PCDHA1: variants seen among roughly 807,000 people sequenced by gnomAD.
The protein encoded by PCDHA1 is protocadherin alpha 1.
A neutral mutation model predicts 61.3 loss-of-function variants in PCDHA1; 42 were observed. The observed-to-expected ratio is 0.69, with a 90% CI of 0.54 to 0.89. PCDHA1 has a LOEUF of 0.89. PCDHA1 is among the 40% of genes least tolerant of loss of function. The pLI, the probability that PCDHA1 is intolerant of heterozygous loss-of-function variation, is 0.00. For missense variants in PCDHA1, 1,256 were observed against 1,235.3 expected (o/e 1.02, Z -0.25); for synonymous variants, 610 against 553.8 (o/e 1.10, Z -1.43).
In PCDHA1 at chr5:141,002,285, A is replaced by C. The variant is rs2098070605; in HGVS notation, c.2543-7342A>C. On this transcript the variant is annotated intron_variant, in intron 3 of 3. Coordinates refer to ENST00000504120, the MANE Select transcript of PCDHA1 (RefSeq NM_018900.4). ...CCCAGAGCTGGTAACAAAGGGATGA[A>C]TGGGGAGCAAAGGGGCGGGGCCGAA... 4.6e-5 allele frequency among the ~76,000 whole-genome samples: 7 copies of C among 152,158 alleles called. No individual in the cohort carries two copies. In the South Asian group the frequency reaches 1.4e-3, roughly 31 times the overall value.
chr5:140,796,973 T>A, intron 1 of PCDHA1: 3 of 1,613,656 alleles, frequency 1.9e-6, no homozygotes, highest in Non-Finnish European at 1.7e-6. Flanking sequence ...GTGTCGTTGG[T>A]GGAAAGTGGC....
chr5:140,948,722 A>G (rs2094296449), intron 1 of PCDHA1, among the ~76,000 whole-genome samples: 1 of 151,574 alleles, frequency 6.6e-6, no homozygotes, highest in Admixed American at 6.6e-5. Context: ...TTTTTTATCA[A>G]TAAGTCTAGC....
At chr5:140,844,393 C>A (rs1368832554) in intron 1 of PCDHA1, among the ~76,000 whole-genome samples, 1 of 149,238 alleles carries the variant, frequency 6.7e-6, no homozygotes. Context: ...ATTATTTAGA[C>A]CATTTTACCA....
At chr5:140,982,364 T>A in intron 2 of PCDHA1, 111 bp from the exon 3 acceptor site, 1 of 1,534,660 alleles carries the variant, frequency 6.5e-7, no homozygotes, top group Non-Finnish European at 8.8e-7. Flanking sequence ...ATGAGCAGAA[T>A]GTGTTAGCTG....
chr5:140,921,283 C>T (rs1484079224), intron 1 of PCDHA1, among the ~76,000 whole-genome samples: 2 of 151,974 alleles, frequency 1.3e-5, no homozygotes, highest in Non-Finnish European at 2.9e-5. Flanking sequence ...TTGAAAAAAA[C>T]CTCAAATTTG....
At chr5:140,926,330 G>T (rs1269020840) in intron 1 of PCDHA1, 1 of 152,266 alleles carries the variant, frequency 6.6e-6, no homozygotes, top group East Asian at 1.9e-4. Flanking sequence ...CGGGGTCAGA[G>T]CGCCGGGACC....
At chr5:140,834,568 G>A (rs2150221321) in intron 1 of PCDHA1, 2 of 1,613,978 alleles carry the variant, frequency 1.2e-6, no homozygotes, top group South Asian at 1.1e-5. Flanking sequence ...CTGGTGCCGC[G>A]CCTGTTCCGG....
intron 1 of PCDHA1, chr5:140,926,592 C>T: frequency 3.3e-6 from 1 of 298,858 alleles, no homozygotes; most frequent in Non-Finnish European, 6.1e-6. Flanking sequence ...CGCGCCCGGG[C>T]GGGCGGCCTC....
At chr5:140,823,206 T>C (rs1554129194) in intron 1 of PCDHA1, 13 of 1,613,806 alleles carry the variant, frequency 8.1e-6, no homozygotes, top group Non-Finnish European at 1.1e-5. Context: ...TCACGGTGTC[T>C]GCACGGGACG....
chr5:140,945,000 G>A (rs980802301), intron 1 of PCDHA1, among the ~76,000 whole-genome samples: 3 of 151,862 alleles, frequency 2.0e-5, no homozygotes, highest in African/African-American at 7.3e-5. Context: ...AACGGTTGTG[G>A]GTCATGAATT....
intron 1 of PCDHA1, chr5:140,834,550 T>C (rs1773085767): frequency 6.2e-7 from 1 of 1,613,956 alleles, no homozygotes; most frequent in South Asian, 1.1e-5. Flanking sequence ...GGGCTGGAGC[T>C]GGCGGAGCTG....
At chr5:140,883,141 T>C (rs975281074) in intron 1 of PCDHA1, 5 of 1,614,092 alleles carry the variant, frequency 3.1e-6, no homozygotes, top group Non-Finnish European at 4.2e-6. Flanking sequence ...CAGTGGTATA[T>C]GCATTTACCA....
At chr5:140,823,390 G>A (rs371642015) in intron 1 of PCDHA1, 1 of 1,612,906 alleles carries the variant, frequency 6.2e-7, no homozygotes, top group Non-Finnish European at 8.5e-7. Context: ...CGCGCGCGAC[G>A]CGGGCGTGCC....
At chr5:140,800,451 A>G (rs1396175193) in intron 1 of PCDHA1, among the ~76,000 whole-genome samples, 1 of 152,188 alleles carries the variant, frequency 6.6e-6, no homozygotes, top group African/African-American at 2.4e-5. Context: ...ACATAAAAGT[A>G]GATATATGTA....
chr5:140,976,819 T>C (rs1380206599), intron 1 of PCDHA1, among the ~76,000 whole-genome samples: 3 of 152,222 alleles, frequency 2.0e-5, no homozygotes, highest in Admixed American at 2.0e-4. Flanking sequence ...TATGCATGTG[T>C]CTAATGAGCA....
chr5:140,830,272 C>G, intron 1 of PCDHA1: 1 of 1,613,840 alleles, frequency 6.2e-7, no homozygotes, highest in Non-Finnish European at 8.5e-7. Context: ...CGGCGCCACC[C>G]ACCGAGGGCG....
intron 1 of PCDHA1, among the ~76,000 whole-genome samples, chr5:140,895,700 A>G (rs2065117583): frequency 6.6e-6 from 1 of 152,022 alleles, no homozygotes; most frequent in Non-Finnish European, 1.5e-5. Context: ...ATATTAATTC[A>G]CTTGGGATAA....
chr5:140,786,184 C>T lies in PCDHA1; in HGVS notation c.-107C>T, dbSNP rs2149892828. ...GGAGGAAGCTCCATTTTGTCACCGC[C>T]TGAGAGAAGACAGAAACGGTAAAGA... On this transcript the variant is annotated 5_prime_UTR_variant, in exon 1 of 4. Coordinates refer to ENST00000504120, the MANE Select transcript of PCDHA1 (RefSeq NM_018900.4). The T allele has an allele frequency of 7.0e-7, 1 of 1,422,176 alleles. No individual in the cohort carries two copies. The highest frequency in any genetic ancestry group is 2.3e-5 in the East Asian group (1 of 43,666). 88.1% of individuals were successfully genotyped at this position (1,422,176 alleles called of 1,614,324 possible). A position where few individuals can be genotyped will look rare whatever the true frequency, so the allele number is the denominator to read the frequency against.
rs2150361348 is a variant in PCDHA1, at chr5:140,843,506, G to T, written c.2394+54822G>T. 1.9e-6 allele frequency: 3 copies of T among 1,596,028 alleles called. No homozygotes were observed. The East Asian group carries it at 6.7e-5, about 36-fold the overall frequency. On this transcript the variant is annotated intron_variant, in intron 1 of 3. Coordinates refer to ENST00000504120, the MANE Select transcript of PCDHA1 (RefSeq NM_018900.4). ...GCTGCGGTGCTCAGCACTGCCCACT[G>T]AGGGCGGGTGCCGGGCGGGCAAGCC...
Sources: allele counts gnomAD v4.1 joint callset (sites outside exome capture counted in the v4.1 genomes callset), GRCh38; gene constraint gnomAD v4.1.1; transcripts MANE v1.5; gene names NCBI Gene and HGNC (gene_info 2026-07-23, HGNC 2026-07-21).